Variants in ADGRL2 observed in about 807,000 individuals in gnomAD.
ADGRL2 encodes the protein calcium-independent alpha-latrotoxin receptor 2.
ADGRL2 carries 44 observed loss-of-function variants against 157.4 expected under a neutral mutation model. The ratio of observed to expected loss-of-function variants is 0.28; its 90% CI spans 0.22 to 0.36. ADGRL2 has a LOEUF of 0.36. Among genes scored for constraint, ADGRL2 ranks in the 10% least tolerant of loss-of-function variants. The probability of loss-of-function intolerance (pLI) is 1.00; values close to 1 mark genes in which losing one functional copy is unlikely to be tolerated. For synonymous variants in ADGRL2, 585 were observed against 624.7 expected (o/e 0.94, Z 0.95); for missense variants, 1,510 against 1,768.9 (o/e 0.85, Z 2.63).
upstream of ADGRL2, among the ~76,000 whole-genome samples, chr1:81,695,736 G>A (rs1413673369): frequency 3.3e-5 from 5 of 151,666 alleles, no homozygotes; most frequent in East Asian, 3.9e-4. Flanking sequence ...CAGGAGAATC[G>A]CTTGAAGCTG....
intron 2 of ADGRL2, among the ~76,000 whole-genome samples, chr1:81,841,686 T>TGCAC (rs1174918070): frequency 1.3e-5 from 2 of 152,130 alleles, no homozygotes; most frequent in Admixed American, 6.6e-5. Flanking sequence ...CGCATACACG[T>TGCAC]GCACACACAC....
At chr1:81,464,407 A>G (rs1411686107) in intron 2 of ADGRL2, among the ~76,000 whole-genome samples, 1 of 150,900 alleles carries the variant, frequency 6.6e-6, no homozygotes, top group Non-Finnish European at 1.5e-5. Context: ...CATTTTAGCT[A>G]ATCCAGACAT....
intron 1 of ADGRL2, among the ~76,000 whole-genome samples, chr1:81,717,760 G>T (rs538127251): frequency 1.9e-4 from 29 of 152,240 alleles, no homozygotes; most frequent in African/African-American, 6.7e-4. Context: ...GAACTAAAAT[G>T]ACAATAGCAG....
At chr1:81,857,773 T>A (rs2093252899) in intron 2 of ADGRL2, among the ~76,000 whole-genome samples, 1 of 152,214 alleles carries the variant, frequency 6.6e-6, no homozygotes, top group Non-Finnish European at 1.5e-5. Flanking sequence ...ATTAAATAAA[T>A]TATTGGATAC....
intron 1 of ADGRL2, among the ~76,000 whole-genome samples, chr1:81,723,519 G>A (rs1347050290): frequency 6.6e-6 from 1 of 152,178 alleles, no homozygotes; most frequent in Non-Finnish European, 1.5e-5. Context: ...AGATACTTAT[G>A]TATGGAAGAT....
At chr1:81,538,069 T>A (rs1202469653) in intron 2 of ADGRL2, among the ~76,000 whole-genome samples, 2 of 152,214 alleles carry the variant, frequency 1.3e-5, no homozygotes, top group Admixed American at 6.5e-5. Context: ...GTCGATTTCA[T>A]AATCATGCTT....
At chr1:81,416,106 T>G (rs1354030639) in intron 1 of ADGRL2, among the ~76,000 whole-genome samples, 1 of 152,082 alleles carries the variant, frequency 6.6e-6, no homozygotes. Context: ...CACCTCGGCC[T>G]CCCAAAGTGC....
intron 2 of ADGRL2, among the ~76,000 whole-genome samples, chr1:81,856,335 G>C (rs2093201434): frequency 6.6e-6 from 1 of 152,066 alleles, no homozygotes; most frequent in Non-Finnish European, 1.5e-5. Context: ...TCTAGCTCTG[G>C]AATTGCTTCA....
intron 19 of ADGRL2, among the ~76,000 whole-genome samples, chr1:81,984,139 C>T (rs1359427855): frequency 2.6e-5 from 4 of 151,880 alleles, no homozygotes; most frequent in Non-Finnish European, 5.9e-5. Flanking sequence ...TATTGACCTA[C>T]CTAAGAGGAC....
chr1:81,418,708 C>G (rs1002633248), intron 1 of ADGRL2, among the ~76,000 whole-genome samples: 1 of 152,108 alleles, frequency 6.6e-6, no homozygotes, highest in Non-Finnish European at 1.5e-5. Flanking sequence ...GAGCTGAAAT[C>G]GGGCCTCTGC....
At chr1:81,447,863 A>G (rs77587105) in intron 2 of ADGRL2, among the ~76,000 whole-genome samples, 2 of 152,102 alleles carry the variant, frequency 1.3e-5, no homozygotes, top group Non-Finnish European at 2.9e-5. Context: ...TGATCTGATC[A>G]TGGGGGTAGA....
At chr1:81,866,175 G>A (rs1401931292) in intron 2 of ADGRL2, among the ~76,000 whole-genome samples, 1 of 151,710 alleles carries the variant, frequency 6.6e-6, no homozygotes, top group African/African-American at 2.4e-5. Flanking sequence ...ATTTTTTCTT[G>A]CCTCTGGCAC....
intron 2 of ADGRL2, among the ~76,000 whole-genome samples, chr1:81,472,317 A>G (rs1432701351): frequency 2.0e-5 from 3 of 152,214 alleles, no homozygotes; most frequent in Non-Finnish European, 4.4e-5. Flanking sequence ...TGGAAAATCC[A>G]CTAGCCTAAA....
At chr1:81,815,741 A>C (rs2090333550) in intron 1 of ADGRL2, among the ~76,000 whole-genome samples, 1 of 151,684 alleles carries the variant, frequency 6.6e-6, no homozygotes, top group African/African-American at 2.4e-5. Flanking sequence ...CATGTGTTTT[A>C]TTTTTTACTA....
At chr1:81,870,205 T>G (rs932729569) in intron 2 of ADGRL2, among the ~76,000 whole-genome samples, 1 of 25,622 alleles carries the variant, frequency 3.9e-5, no homozygotes, top group South Asian at 2.3e-3. Context: ...TTGAAATAGA[T>G]GATTTGCAAA....
intron 3 of ADGRL2, among the ~76,000 whole-genome samples, chr1:81,597,741 C>G (rs1235265200): frequency 1.3e-5 from 2 of 152,118 alleles, no homozygotes; most frequent in Admixed American, 1.3e-4. Flanking sequence ...GCATTTCATA[C>G]CCCCAATAAA....
chr1:81,455,070 TG>T (rs2077776337), intron 2 of ADGRL2, among the ~76,000 whole-genome samples: 1 of 152,216 alleles, frequency 6.6e-6, no homozygotes, highest in African/African-American at 2.4e-5. Flanking sequence ...CATACAGACA[TG>T]GTTTAGGCAA....
chr1:81,557,445 AAGAG>A (rs1482307952), intron 2 of ADGRL2: 4 of 138,766 alleles, frequency 2.9e-5, no homozygotes, highest in African/African-American at 8.1e-5. Flanking sequence ...GAAAGAAAGA[AAGAG>A]AGAAAGAAAG....
intron 3 of ADGRL2, among the ~76,000 whole-genome samples, chr1:81,626,442 A>C (rs779570444): frequency 3.3e-5 from 5 of 152,146 alleles, no homozygotes; most frequent in Non-Finnish European, 7.4e-5. Flanking sequence ...AGTAGCTGGG[A>C]TTACAGGCGC....
Sources: gnomAD v4.1 joint callset for allele counts (sites outside exome capture counted in the v4.1 genomes callset) on GRCh38, gnomAD v4.1.1 for gene constraint, MANE v1.5 for transcripts, NCBI Gene and HGNC (gene_info 2026-07-23, HGNC 2026-07-21) for gene names.